Variants in AFF3 observed in about 807,000 individuals in gnomAD.
AFF3 encodes the protein ALF transcription elongation factor 3.
In AFF3, 32 loss-of-function variants were observed where a neutral mutation model predicts 129.7. The observed-to-expected ratio is 0.25, with a 90% CI of 0.19 to 0.33. The LOEUF is 0.33. Ranked by LOEUF, AFF3 falls within the 10% of genes least tolerant of loss-of-function variation. The pLI, the probability that AFF3 is intolerant of heterozygous loss-of-function variation, is 1.00. For missense variants in AFF3, 1,373 were observed against 1,592.0 expected (o/e 0.86, Z 2.34); for synonymous variants, 644 against 635.4 (o/e 1.01, Z -0.20).
In AFF3 at chr2:99,601,484, C is replaced by G; in HGVS notation, c.1322G>C (p.Ser441Thr). 6.2e-7 allele frequency: 1 copy of G among 1,609,976 alleles called. No individual in the cohort carries two copies. The highest frequency in any genetic ancestry group is 8.5e-7 in the Non-Finnish European group (1 of 1,178,488). ...CTTGCTGCCCTCACTCTCGCTGGAG[C>G]TGCTCTCGGTCTCCGAGTCAGATCC... is the stretch of plus-strand genomic sequence containing the variant. ...SSGSDSETES[S>T]SSESEGSKPP... The change falls in exon 14 of 25, where the codon AGC becomes ACC. Residue 441 changes from serine to threonine, a missense_variant. Physicochemically the swap from Ser to Thr is moderately conservative, Grantham distance 58 (BLOSUM62 1). Coordinates refer to ENST00000672756, the MANE Select transcript of AFF3 (RefSeq NM_001386135.1).
chr2:99,584,532 G>T (rs1465807031), intron 16 of AFF3, among the ~76,000 whole-genome samples: 1 of 152,192 alleles, frequency 6.6e-6, no homozygotes, highest in Non-Finnish European at 1.5e-5. Context: ...TACAGTTTCT[G>T]ATTCCTAACT....
chr2:100,028,735 C>T (rs916499790), intron 4 of AFF3, among the ~76,000 whole-genome samples: 3 of 151,994 alleles, frequency 2.0e-5, no homozygotes, highest in Non-Finnish European at 4.4e-5. Flanking sequence ...ATTAGGATGG[C>T]TACTCTCAAA....
intron 11 of AFF3, among the ~76,000 whole-genome samples, chr2:99,719,853 C>T (rs868003635): frequency 6.6e-5 from 10 of 152,068 alleles, no homozygotes; most frequent in East Asian, 5.8e-4. Context: ...ATGGAGACCA[C>T]GGTGAAACCC....
At chr2:99,701,140 G>A (rs928863095) in intron 11 of AFF3, among the ~76,000 whole-genome samples, 1 of 152,146 alleles carries the variant, frequency 6.6e-6, no homozygotes, top group South Asian at 2.1e-4. Context: ...GGCAAAGTGA[G>A]GATGTGTGGG....
At chr2:99,873,834 C>T (rs1203949719) in intron 7 of AFF3, among the ~76,000 whole-genome samples, 3 of 151,710 alleles carry the variant, frequency 2.0e-5, no homozygotes, top group Non-Finnish European at 4.4e-5. Flanking sequence ...GTTAGAGACA[C>T]CAACAGGTCA....
At chr2:100,056,814 A>G (rs149264429) in intron 4 of AFF3, among the ~76,000 whole-genome samples, 247 of 152,234 alleles carry the variant, frequency 1.6e-3, no homozygotes, top group African/African-American at 5.8e-3. Flanking sequence ...TATACAGGCA[A>G]CCACACTTTC....
rs74777512 is a variant in AFF3 at position 100,004,082 on chromosome 2, G to T, written c.873+2550C>A. ...GATGCCAAACAGCTATTTTTGTATG[G>T]CCCTCCTTGTTTTTATGTCATTTTT... On this transcript the variant is annotated intron_variant, in intron 7 of 24. Transcript: ENST00000672756. Among the ~76,000 whole-genome samples the T allele has an allele frequency of 3.8e-3, 578 of 152,012 alleles. 5 individuals carry two copies. Among genetic ancestry groups the T allele is most frequent in the African/African-American group, 0.013 (542 of 41,484 alleles).
chr2:99,890,284 C>A (rs561180597), intron 7 of AFF3, among the ~76,000 whole-genome samples: 18 of 152,270 alleles, frequency 1.2e-4, no homozygotes, highest in African/African-American at 4.3e-4. Context: ...TTGATTGGTA[C>A]AAAATTCAGG....
rs150152622 is a variant in AFF3 at position 100,128,313 on chromosome 2, TC to T, written c.-145+910del. Among the ~76,000 whole-genome samples, 1,028 of 152,278 alleles carry T rather than the reference TC, an allele frequency of 6.8e-3. 9 individuals are homozygous for T. Among genetic ancestry groups the T allele is most frequent in the African/African-American group, 0.024 (983 of 41,546 alleles). ...CTTGCGTGAGATCCAAGACCCCCTC[TC>T]TTGGAGTCTGGATCGGGACCACTTT... On this transcript the variant is annotated intron_variant, in intron 2 of 24. Transcript: ENST00000672756.
chr2:99,688,864 C>A (rs904111759), intron 11 of AFF3, among the ~76,000 whole-genome samples: 1 of 152,166 alleles, frequency 6.6e-6, no homozygotes, highest in Admixed American at 6.5e-5. Flanking sequence ...GGAAAATGCC[C>A]GGCATGCAAT....
chr2:99,601,580 G>A lies in AFF3; in HGVS notation c.1226C>T (p.Ser409Phe). The change falls in exon 14 of 25, where the codon TCC becomes TTC. Residue 409 changes from serine to phenylalanine, a missense_variant. Ser to Phe is a radical substitution (Grantham distance 155). Transcript: ENST00000672756. ...GCTGCTGCTGCTGCTGCCCTTGCTGGAAGGCACCGAGGTTCTGCAGTTGGG... is the reference window on the plus strand; with the variant it reads ...GCTGCTGCTGCTGCTGCCCTTGCTGAAAGGCACCGAGGTTCTGCAGTTGGG... ...QQPNCRTSVP[S>F]SKGSSSSSSS... 1.3e-6 allele frequency: 2 copies of A among 1,599,444 alleles called. No individual in the cohort carries two copies. The highest frequency in any genetic ancestry group is 1.7e-6 in the Non-Finnish European group (2 of 1,176,820).
chr2:99,981,539 A>G (rs922075387), intron 7 of AFF3, among the ~76,000 whole-genome samples: 3 of 152,222 alleles, frequency 2.0e-5, no homozygotes, highest in African/African-American at 7.2e-5. Context: ...TTTCAAGTGA[A>G]GGATTTCAAG....
At chr2:99,743,136 C>T (rs1188225178) in intron 10 of AFF3, among the ~76,000 whole-genome samples, 1 of 67,258 alleles carries the variant, frequency 1.5e-5, no homozygotes, top group Admixed American at 1.7e-4. Context: ...ATCGCTGGTG[C>T]CTGTACCCAC....
At chr2:99,864,767 C>T (rs1370974174) in intron 7 of AFF3, among the ~76,000 whole-genome samples, 3 of 152,194 alleles carry the variant, frequency 2.0e-5, no homozygotes, top group Non-Finnish European at 4.4e-5. Flanking sequence ...GAAAGCTTTG[C>T]CTGAATTCTG....
intron 7 of AFF3, among the ~76,000 whole-genome samples, chr2:99,978,745 TAA>T (rs1679118244): frequency 5.3e-5 from 8 of 152,126 alleles, no homozygotes; most frequent in Admixed American, 5.2e-4. Flanking sequence ...GGTGCCCTTA[TAA>T]AAGAGACCCC....
At chr2:99,754,366 T>C (rs374788112) in intron 8 of AFF3, among the ~76,000 whole-genome samples, 62 of 152,336 alleles carry the variant, frequency 4.1e-4, no homozygotes, top group African/African-American at 1.3e-3. Context: ...CAATTTACAT[T>C]GTCTGATCCT....
At chr2:99,819,223 T>C (rs1237566023) in intron 8 of AFF3, among the ~76,000 whole-genome samples, 2 of 152,272 alleles carry the variant, frequency 1.3e-5, no homozygotes, top group African/African-American at 2.4e-5. Flanking sequence ...ACTTTTGGTT[T>C]TCAAATTAAA....
At chr2:99,772,918 T>C (rs2105334368) in intron 8 of AFF3, among the ~76,000 whole-genome samples, 1 of 152,344 alleles carries the variant, frequency 6.6e-6, no homozygotes, top group South Asian at 2.1e-4. Context: ...GTTCTCAGCC[T>C]TGTCTCAGGC....
chr2:99,759,903 T>C (rs1000869036), intron 8 of AFF3, among the ~76,000 whole-genome samples: 1 of 152,214 alleles, frequency 6.6e-6, no homozygotes, highest in African/African-American at 2.4e-5. Flanking sequence ...GTAAGTCACA[T>C]GCTCAGTAAA....
Sources: allele counts gnomAD v4.1 joint callset (sites outside exome capture counted in the v4.1 genomes callset), GRCh38; gene constraint gnomAD v4.1.1; transcripts MANE v1.5; gene names NCBI Gene and HGNC (gene_info 2026-07-23, HGNC 2026-07-21).